Variants in ARSB observed in about 807,000 individuals in gnomAD.
ARSB encodes the protein N-acetylgalactosamine-4-sulfatase.
Under a neutral mutation model 50.9 loss-of-function variants are expected in ARSB, and 41 were observed. That is an observed-to-expected ratio of 0.81 (90% CI 0.63 to 1.04). The LOEUF is 1.04. Ranked by LOEUF, ARSB falls within the 50% of genes least tolerant of loss-of-function variation. The pLI, the probability that ARSB is intolerant of heterozygous loss-of-function variation, is 0.00. For missense variants in ARSB, 672 were observed against 693.3 expected, an observed-to-expected ratio of 0.97 and a Z score of 0.35; for synonymous variants, 269 against 284.8, an observed-to-expected ratio of 0.94 and a Z score of 0.56.
chr5:78,937,436 GATAT>G (rs927824278), intron 4 of ARSB, among the ~76,000 whole-genome samples: 2 of 128,174 alleles, frequency 1.6e-5, no homozygotes, highest in South Asian at 4.5e-4. Flanking sequence ...TCATATATAT[GATAT>G]ATATATCTTA....
chr5:78,906,189 C>T (rs1007227425), intron 4 of ARSB, among the ~76,000 whole-genome samples: 1 of 151,450 alleles, frequency 6.6e-6, no homozygotes, highest in African/African-American at 2.4e-5. Context: ...AAAAATTAGC[C>T]AAGTGTAGTG....
At position 78,893,087 on chromosome 5, in the gene ARSB, G is replaced by A. The variant is rs376754638; in HGVS notation, c.899-7260C>T. Reference sequence around the variant, plus strand: ...GGGCAGATTCCCCCATACTGTTCTCGTGGTAGTGAACAAGCTTCACGAGAG... The same window carrying A: ...GGGCAGATTCCCCCATACTGTTCTCATGGTAGTGAACAAGCTTCACGAGAG... On this transcript the variant is annotated intron_variant, in intron 4 of 7. Transcript: ENST00000264914. Among the ~76,000 whole-genome samples, 21 of 151,756 alleles carry A rather than the reference G, an allele frequency of 1.4e-4. No homozygotes were observed. In the East Asian group the frequency reaches 3.3e-3, roughly 24 times the overall value.
chr5:78,895,102 CG>C (rs1748506285), intron 4 of ARSB, among the ~76,000 whole-genome samples: 1 of 152,192 alleles, frequency 6.6e-6, no homozygotes, highest in African/African-American at 2.4e-5. Flanking sequence ...ATAGGCACCA[CG>C]AAGTCCATGC....
intron 5 of ARSB, among the ~76,000 whole-genome samples, chr5:78,865,521 G>C (rs973048726): frequency 7.9e-5 from 12 of 152,118 alleles, no homozygotes; most frequent in African/African-American, 2.4e-4. Context: ...CCTCTGACAC[G>C]CCCTGGAGAC....
intron 4 of ARSB, among the ~76,000 whole-genome samples, chr5:78,916,507 C>A (rs575920891): frequency 6.6e-6 from 1 of 152,320 alleles, no homozygotes; most frequent in South Asian, 2.1e-4. Flanking sequence ...GGAATCCTAC[C>A]TCAAGACCCT....
intron 5 of ARSB, among the ~76,000 whole-genome samples, chr5:78,873,843 A>G (rs1747359377): frequency 6.6e-6 from 1 of 152,218 alleles, no homozygotes; most frequent in South Asian, 2.1e-4. Context: ...ATCTGAATAT[A>G]CAAAGTGAAA....
At chr5:78,888,154 A>G (rs976530084) in intron 4 of ARSB, among the ~76,000 whole-genome samples, 4 of 152,230 alleles carry the variant, frequency 2.6e-5, no homozygotes, top group Admixed American at 2.6e-4. Flanking sequence ...ACAGACTTAC[A>G]AGAATCTTTC....
At chr5:78,981,342 A>G (rs1752895268) in intron 1 of ARSB, among the ~76,000 whole-genome samples, 1 of 152,158 alleles carries the variant, frequency 6.6e-6, no homozygotes, top group Non-Finnish European at 1.5e-5. Flanking sequence ...GTCCCTACAC[A>G]TATTTCACCA....
At position 78,957,749 on chromosome 5, in the gene ARSB, C is replaced by T. The variant is rs572404723; in HGVS notation, c.691-2247G>A. On this transcript the variant is annotated intron_variant, in intron 3 of 7. Coordinates refer to ENST00000264914, the MANE Select transcript of ARSB (RefSeq NM_000046.5). The stretch of plus-strand genomic sequence containing the variant: ...TGGTGCAGGACATCCCAACAGATGC[C>T]CTGCCTGGGGGTGATGAAGGTCTTG... 2.6e-5 allele frequency among the ~76,000 whole-genome samples: 4 copies of T among 152,114 alleles called. No homozygotes were observed. The South Asian group carries it at 8.3e-4, about 32-fold the overall frequency.
At chr5:78,905,671 C>G (rs1337957869) in intron 4 of ARSB, among the ~76,000 whole-genome samples, 2 of 152,042 alleles carry the variant, frequency 1.3e-5, no homozygotes, top group Non-Finnish European at 2.9e-5. Context: ...CTCCTTTGGG[C>G]CTGTGTGGCA....
rs745504153 is a variant in ARSB at position 78,781,917 on chromosome 5, G to C, written c.1271C>G (p.Ala424Gly). ...TGCAGCATGGACAGATGTGTTAAAG[G>C]CTGAATATTCTGGAAGAGAAGAGTC... The part of the protein sequence containing the change: ...KDDSSLPEYS[A>G]FNTSVHAAIR... The change falls in exon 7 of 8, where the codon GCC becomes GGC. Residue 424 changes from alanine to glycine, a missense_variant. Ala to Gly is a moderately conservative substitution (Grantham distance 60). Transcript: ENST00000264914. 16 of 1,614,018 alleles carry C rather than the reference G, an allele frequency of 9.9e-6. No homozygotes were observed. The highest frequency in any genetic ancestry group is 4.4e-5 in the South Asian group (4 of 91,088).
intron 5 of ARSB, among the ~76,000 whole-genome samples, chr5:78,867,953 A>G (rs1746884939): frequency 8.9e-6 from 1 of 112,192 alleles, no homozygotes; most frequent in African/African-American, 3.4e-5. Flanking sequence ...TAACCAATAC[A>G]GAGAAGTGCT....
chr5:78,842,784 T>TA (rs1745285366), intron 5 of ARSB, among the ~76,000 whole-genome samples: 1 of 150,928 alleles, frequency 6.6e-6, no homozygotes, highest in African/African-American at 2.4e-5. Flanking sequence ...TTTTCCCTTT[T>TA]TTTTTTTTTA....
At chr5:78,949,125 G>A (rs545951599) in intron 4 of ARSB, among the ~76,000 whole-genome samples, 23 of 152,176 alleles carry the variant, frequency 1.5e-4, no homozygotes, top group African/African-American at 3.1e-4. Flanking sequence ...CCCAGACAGC[G>A]CACTGAGAAT....
At chr5:78,865,174 G>C (rs377676137) in intron 5 of ARSB, among the ~76,000 whole-genome samples, 1 of 152,146 alleles carries the variant, frequency 6.6e-6, no homozygotes, top group East Asian at 1.9e-4. Context: ...GAGGTTCTCC[G>C]TGAGTATCCC....
intron 5 of ARSB, among the ~76,000 whole-genome samples, chr5:78,882,398 G>A (rs907260034): frequency 6.6e-6 from 1 of 152,074 alleles, no homozygotes; most frequent in Non-Finnish European, 1.5e-5. Flanking sequence ...CCTCCAGTTT[G>A]GGGTATTGTT....
intron 6 of ARSB, among the ~76,000 whole-genome samples, chr5:78,835,130 G>A (rs931735000): frequency 6.6e-6 from 1 of 152,100 alleles, no homozygotes; most frequent in African/African-American, 2.4e-5. Flanking sequence ...CCCCTGGTGT[G>A]TGTGCATGTT....
chr5:78,816,536 T>A (rs1743999628), intron 6 of ARSB, among the ~76,000 whole-genome samples: 1 of 152,184 alleles, frequency 6.6e-6, no homozygotes, highest in Admixed American at 6.5e-5. Context: ...TGAGATTATG[T>A]TATGTTTGGT....
At chr5:78,796,558 A>G (rs1182636367) in intron 6 of ARSB, among the ~76,000 whole-genome samples, 2 of 152,240 alleles carry the variant, frequency 1.3e-5, no homozygotes, top group African/African-American at 4.8e-5. Context: ...TCCCCTTTTC[A>G]GTCTCTAAGT....
Sources: allele counts gnomAD v4.1 joint callset (sites outside exome capture counted in the v4.1 genomes callset), GRCh38; gene constraint gnomAD v4.1.1; transcripts MANE v1.5; gene names NCBI Gene and HGNC (gene_info 2026-07-23, HGNC 2026-07-21).